RNMT: variants seen among roughly 807,000 people sequenced by gnomAD.
RNMT encodes the protein mRNA cap guanine-N(7) methyltransferase.
A neutral mutation model predicts 56.0 loss-of-function variants in RNMT; 27 were observed. The observed-to-expected ratio is 0.48, with a 90% CI of 0.36 to 0.67. The LOEUF (loss-of-function observed/expected upper bound fraction) is 0.67. Ranked by LOEUF, RNMT falls within the 30% of genes least tolerant of loss-of-function variation. The pLI, the probability that RNMT is intolerant of heterozygous loss-of-function variation, is 0.00. For missense variants in RNMT, 519 were observed against 552.1 expected, an observed-to-expected ratio of 0.94 and a Z score of 0.60; for synonymous variants, 184 against 176.2, an observed-to-expected ratio of 1.04 and a Z score of -0.35.
At chr18:13,752,539 C>T (rs1207176506) in intron 10 of RNMT, 112 bp downstream of exon 10, 8 of 659,612 alleles carry the variant, frequency 1.2e-5, no homozygotes, top group Non-Finnish European at 2.1e-5. Flanking sequence ...CACTGACTTA[C>T]AAATCAGTTG....
At chr18:13,748,508 C>T (rs1191272573) in intron 9 of RNMT, among the ~76,000 whole-genome samples, 1 of 152,116 alleles carries the variant, frequency 6.6e-6, no homozygotes, top group Non-Finnish European at 1.5e-5. Context: ...CCACTGCTTT[C>T]GACCAGGTCA....
At chr18:13,735,748 T>C (rs1291389406) in intron 4 of RNMT, among the ~76,000 whole-genome samples, 2 of 151,630 alleles carry the variant, frequency 1.3e-5, no homozygotes, top group Admixed American at 6.6e-5. Context: ...AAAGAGGTAT[T>C]TTTTTTTAAA....
At chr18:13,732,838 C>T (rs1429729731) in intron 3 of RNMT, among the ~76,000 whole-genome samples, 11 of 149,904 alleles carry the variant, frequency 7.3e-5, no homozygotes, top group African/African-American at 9.8e-5. Context: ...CTCCACCTCC[C>T]GGGACCTCCA....
intron 5 of RNMT, among the ~76,000 whole-genome samples, chr18:13,738,581 T>G (rs2149089467): frequency 6.6e-6 from 1 of 152,326 alleles, no homozygotes. Context: ...AACATTAAAA[T>G]CCATTAATCT....
At chr18:13,742,450 T>C (rs774140241) in intron 7 of RNMT, 38 bp from the exon 8 acceptor site, 1 of 1,595,288 alleles carries the variant, frequency 6.3e-7, no homozygotes. Flanking sequence ...AATCACAATT[T>C]TAATCTTTTT....
At chr18:13,749,520 A>G (rs539832218) in intron 9 of RNMT, among the ~76,000 whole-genome samples, 2 of 152,354 alleles carry the variant, frequency 1.3e-5, no homozygotes, top group East Asian at 3.9e-4. Flanking sequence ...CAAAGCAGAT[A>G]TTCATAGATC....
chr18:13,744,159 C>CTTTTTTGTTTTTTTTTTTTTTTTTT (rs2044308535), intron 8 of RNMT, among the ~76,000 whole-genome samples: 1 of 91,396 alleles, frequency 1.1e-5, no homozygotes, highest in Non-Finnish European at 2.2e-5. Flanking sequence ...TAGCGGTCTT[C>CTTTTTTGTTTTTTTTTTTTTTTTTT]TTTTTTTTTT....
intron 3 of RNMT, among the ~76,000 whole-genome samples, chr18:13,733,915 A>T (rs1281516944): frequency 6.6e-6 from 1 of 152,166 alleles, no homozygotes; most frequent in Non-Finnish European, 1.5e-5. Flanking sequence ...GTTTTTCAAA[A>T]TAAGGTGATA....
rs1379476220 is a variant in RNMT at position 13,754,131 on chromosome 18, A to G, written c.1377A>G (p.Ser459=). The change falls in exon 11 of 12, where the codon TCA becomes TCG. Residue 459 remains serine, a synonymous_variant. Coordinates refer to ENST00000383314, the MANE Select transcript of RNMT (RefSeq NM_003799.3). The stretch of plus-strand genomic sequence containing the variant: ...AATTTTAGGGAACCTTAAGTAAATC[A>G]GAATGGGAAGCTACAAGTGAGTATA... ...VRLPLGTLSK[S]EWEATSIYLV... 4 of 1,563,950 alleles carry G rather than the reference A, an allele frequency of 2.6e-6. No individual in the cohort carries two copies. The South Asian group carries it at 3.3e-5, about 13-fold the overall frequency.
chr18:13,734,182 C>T (rs770799821), intron 3 of RNMT, among the ~76,000 whole-genome samples: 170 of 152,292 alleles, frequency 1.1e-3, no homozygotes, highest in Non-Finnish European at 1.6e-3. Context: ...AGGCCTCCCC[C>T]GCCACGAGGA....
intron 11 of RNMT, among the ~76,000 whole-genome samples, chr18:13,758,977 A>C (rs1040815658): frequency 5.3e-5 from 8 of 152,116 alleles, no homozygotes; most frequent in African/African-American, 1.9e-4. Context: ...ACAGCTGATT[A>C]GTGGAGCAGT....
At chr18:13,736,490 A>G (rs535353203) in intron 4 of RNMT, among the ~76,000 whole-genome samples, 32 of 150,922 alleles carry the variant, frequency 2.1e-4, no homozygotes, top group African/African-American at 7.3e-4. Flanking sequence ...TAAAAGACAT[A>G]GTGCTTTTTT....
chr18:13,728,371 T>C, intron 1 of RNMT, among the ~76,000 whole-genome samples: 1 of 129,310 alleles, frequency 7.7e-6, no homozygotes, highest in Non-Finnish European at 1.5e-5. Context: ...AGCCTTGCTC[T>C]GTCGCCCAGG....
intron 3 of RNMT, 51 bp from the exon 4 acceptor site, chr18:13,734,413 T>C (rs780143200): frequency 2.1e-5 from 33 of 1,538,010 alleles, no homozygotes; most frequent in Non-Finnish European, 2.8e-5. Context: ...CTGAGGCTTA[T>C]TTTTACCATG....
Position 13,764,456 on chromosome 18 carries a change from A to G in RNMT, c.*4477A>G, listed in dbSNP as rs529197746. On this transcript the variant is annotated 3_prime_UTR_variant, in exon 12 of 12. Transcript: ENST00000383314. ...TATCTGGTTTCTTTTCACCAATATT[A>G]TGTTTGTGAGATTTTTGTTGCATGT... 6.6e-6 allele frequency: 1 copy of G among 152,074 alleles called. No individual in the cohort carries two copies. The highest frequency in any genetic ancestry group is 2.1e-4 in the South Asian group (1 of 4,820). The allele number at this position is 152,074 out of a possible 1,614,324, so 9.4% of individuals were successfully genotyped here. A position where few individuals can be genotyped will look rare whatever the true frequency, so the allele number is the denominator to read the frequency against.
At chr18:13,747,597 T>A (rs1484143795) in intron 9 of RNMT, among the ~76,000 whole-genome samples, 1 of 152,206 alleles carries the variant, frequency 6.6e-6, no homozygotes, top group Non-Finnish European at 1.5e-5. Context: ...CCTTTAGATT[T>A]TCTTCAGTTT....
intron 8 of RNMT, among the ~76,000 whole-genome samples, chr18:13,745,950 C>T (rs1184312223): frequency 6.6e-6 from 1 of 152,080 alleles, no homozygotes; most frequent in Non-Finnish European, 1.5e-5. Flanking sequence ...TACACTTTTT[C>T]CGCATCTCAC....
chr18:13,757,281 A>T (rs2149108469), intron 11 of RNMT, among the ~76,000 whole-genome samples: 1 of 152,228 alleles, frequency 6.6e-6, no homozygotes, highest in East Asian at 1.9e-4. Flanking sequence ...TGGCTGTGGC[A>T]GTTAAGACAA....
Position 13,760,505 on chromosome 18 carries a change from G to T in RNMT, c.*526G>T, listed in dbSNP as rs1204812268. 1.0e-5 allele frequency: 10 copies of T among 985,212 alleles called. No homozygotes were observed. The highest frequency in any genetic ancestry group is 1.7e-5 in the African/African-American group (1 of 57,214). 61.0% of individuals were successfully genotyped at this position (985,212 alleles called of 1,614,324 possible). A position where few individuals can be genotyped will look rare whatever the true frequency, so the allele number is the denominator to read the frequency against. On this transcript the variant is annotated 3_prime_UTR_variant, in exon 12 of 12. Transcript: ENST00000383314. ...AACTCAATTTCAGATGCTCATAAAA[G>T]TTACTTAGCTAAAATTTTAGCAATT... is the stretch of plus-strand genomic sequence containing the variant.
Sources: gnomAD v4.1 joint callset for allele counts (sites outside exome capture counted in the v4.1 genomes callset) on GRCh38, gnomAD v4.1.1 for gene constraint, MANE v1.5 for transcripts, NCBI Gene and HGNC (gene_info 2026-07-23, HGNC 2026-07-21) for gene names.